The following SLC25A24 variants were observed in gnomAD, a reference collection of about 807,000 sequenced individuals.
SLC25A24 encodes the protein solute carrier family 25 member 24.
SLC25A24 carries 49 observed loss-of-function variants against 60.7 expected under a neutral mutation model. The observed-to-expected ratio is 0.81, with a 90% confidence interval of 0.64 to 1.02. The LOEUF is 1.02. Ranked by LOEUF, SLC25A24 falls within the 50% of genes least tolerant of loss-of-function variation. The pLI is 0.00. For missense variants in SLC25A24, 564 were observed against 586.3 expected, an observed-to-expected ratio of 0.96 and a Z score of 0.39; for synonymous variants, 202 against 200.6, an observed-to-expected ratio of 1.01 and a Z score of -0.06.
At chr1:108,160,133 G>T (rs547370057) in intron 4 of SLC25A24, among the ~76,000 whole-genome samples, 12 of 152,020 alleles carry the variant, frequency 7.9e-5, no homozygotes, top group African/African-American at 1.9e-4. Flanking sequence ...GGTGGCTGCC[G>T]GGCGGAGACG....
intron 2 of SLC25A24, among the ~76,000 whole-genome samples, chr1:108,184,192 A>G (rs1179185002): frequency 6.6e-6 from 1 of 152,226 alleles, no homozygotes; most frequent in Non-Finnish European, 1.5e-5. Flanking sequence ...TAAAATGAAC[A>G]ATTGATATGT....
At chr1:108,183,899 A>C (rs1648025729) in intron 2 of SLC25A24, among the ~76,000 whole-genome samples, 1 of 152,236 alleles carries the variant, frequency 6.6e-6, no homozygotes, top group Non-Finnish European at 1.5e-5. Context: ...GTGCATGTCC[A>C]TGAATGCCTG....
Position 108,134,365 on chromosome 1 carries a change from A to G in SLC25A24, c.*2288T>C, listed in dbSNP as rs1160607912. The G allele has an allele frequency of 1.3e-5, 2 of 152,228 alleles. No homozygotes were observed. Among genetic ancestry groups the G allele is most frequent in the South Asian group, 2.1e-4 (1 of 4,832 alleles). 9.4% of individuals were successfully genotyped at this position (152,228 alleles called of 1,614,324 possible). A position where few individuals can be genotyped will look rare whatever the true frequency, so the allele number is the denominator to read the frequency against. ...TGCAGTCTTATGTTTTAATTTTTAAATCAAATTTTGGATGTAATCTGCATT... is the reference window on the plus strand; with the variant it reads ...TGCAGTCTTATGTTTTAATTTTTAAGTCAAATTTTGGATGTAATCTGCATT... On this transcript the variant is annotated 3_prime_UTR_variant, in exon 10 of 10. Coordinates refer to ENST00000565488, the MANE Select transcript of SLC25A24 (RefSeq NM_013386.5).
At chr1:108,152,524 T>G (rs973950481) in intron 6 of SLC25A24, among the ~76,000 whole-genome samples, 1 of 152,114 alleles carries the variant, frequency 6.6e-6, no homozygotes, top group Admixed American at 6.6e-5. Context: ...GCCCAACTAA[T>G]TTTTATATTT....
chr1:108,176,498 A>G (rs1647678458), intron 3 of SLC25A24, among the ~76,000 whole-genome samples: 1 of 152,208 alleles, frequency 6.6e-6, no homozygotes, highest in Non-Finnish European at 1.5e-5. Flanking sequence ...CTGGAGAAAG[A>G]GGTAAATATC....
intron 3 of SLC25A24, among the ~76,000 whole-genome samples, chr1:108,167,863 C>T (rs1261759203): frequency 2.0e-5 from 3 of 152,190 alleles, no homozygotes; most frequent in Non-Finnish European, 2.9e-5. Flanking sequence ...AATTAACATA[C>T]TGTACTCAAA....
intron 5 of SLC25A24, among the ~76,000 whole-genome samples, chr1:108,156,187 C>T (rs1372045233): frequency 6.6e-6 from 1 of 152,306 alleles, no homozygotes; most frequent in Non-Finnish European, 1.5e-5. Context: ...GCCCTATGTG[C>T]TTCTTTACTT....
At chr1:108,195,071 T>C (rs1223168574) in intron 1 of SLC25A24, among the ~76,000 whole-genome samples, 1 of 152,248 alleles carries the variant, frequency 6.6e-6, no homozygotes, top group African/African-American at 2.4e-5. Context: ...CTGTCAAATA[T>C]AGATACCTTG....
intron 1 of SLC25A24, among the ~76,000 whole-genome samples, chr1:108,189,681 T>C (rs1318594512): frequency 6.6e-6 from 1 of 151,806 alleles, no homozygotes; most frequent in East Asian, 1.9e-4. Flanking sequence ...CCAGGAGTGG[T>C]GGCACACGCC....
intron 4 of SLC25A24, 45 bp downstream of exon 4, chr1:108,161,137 T>C (rs368032492): frequency 7.4e-6 from 8 of 1,076,380 alleles, no homozygotes; most frequent in East Asian, 2.4e-5. Context: ...ACTGTACCTA[T>C]GGTTTATAGC....
At chr1:108,158,193 G>A (rs1211611930) in intron 4 of SLC25A24, among the ~76,000 whole-genome samples, 1 of 152,016 alleles carries the variant, frequency 6.6e-6, no homozygotes, top group East Asian at 1.9e-4. Flanking sequence ...TTTAAAACAT[G>A]CAATAGATTC....
intron 3 of SLC25A24, among the ~76,000 whole-genome samples, chr1:108,177,823 G>A (rs1002304065): frequency 6.6e-6 from 1 of 152,052 alleles, no homozygotes; most frequent in African/African-American, 2.4e-5. Flanking sequence ...TGTAGCTATT[G>A]TTTTTTATAA....
intron 1 of SLC25A24, chr1:108,198,751 C>T (rs1258383287): frequency 6.6e-6 from 1 of 152,174 alleles, no homozygotes; most frequent in Non-Finnish European, 1.5e-5. Context: ...TTCAAAGGCA[C>T]CTACTGTGAG....
intron 3 of SLC25A24, among the ~76,000 whole-genome samples, chr1:108,166,699 AT>A (rs903465302): frequency 6.6e-6 from 1 of 151,342 alleles, no homozygotes; most frequent in African/African-American, 2.4e-5. Context: ...ATTCTTCTAC[AT>A]TTTTTTCAAA....
At position 108,136,176 on chromosome 1, in the gene SLC25A24, G is replaced by A. The variant is rs1679277104; in HGVS notation, c.*477C>T. Reference sequence around the variant, plus strand: ...CTATACTTATTTGGATGCTTTTGCTGTAAGGTATATTTTAAATGTAATGAT... The same window carrying A: ...CTATACTTATTTGGATGCTTTTGCTATAAGGTATATTTTAAATGTAATGAT... On this transcript the variant is annotated 3_prime_UTR_variant, in exon 10 of 10. Coordinates refer to ENST00000565488, the MANE Select transcript of SLC25A24 (RefSeq NM_013386.5). 2 of 152,558 alleles carry A rather than the reference G, an allele frequency of 1.3e-5. No individual in the cohort carries two copies. Among genetic ancestry groups the A allele is most frequent in the African/African-American group, 4.8e-5 (2 of 41,460 alleles). The allele number at this position is 152,558 out of a possible 1,614,324, so 9.5% of individuals were successfully genotyped here. A position where few individuals can be genotyped will look rare whatever the true frequency, so the allele number is the denominator to read the frequency against.
rs116386307 is a variant in SLC25A24 at position 108,176,541 on chromosome 1, G to T, written c.398+5400C>A. On this transcript the variant is annotated intron_variant, in intron 3 of 9. Coordinates refer to ENST00000565488, the MANE Select transcript of SLC25A24 (RefSeq NM_013386.5). ...AGGAAAAGTCCAAGGTCTCTAATCAGATTCAATCCAAACAAGACTACCCCA... is the reference window on the plus strand; with the variant it reads ...AGGAAAAGTCCAAGGTCTCTAATCATATTCAATCCAAACAAGACTACCCCA... Among the ~76,000 whole-genome samples the T allele has an allele frequency of 4.8e-3, 724 of 152,248 alleles. 4 individuals carry two copies. The highest frequency in any genetic ancestry group is 0.016 in the African/African-American group (662 of 41,544).
At chr1:108,188,207 C>A (rs1648215843) in intron 1 of SLC25A24, among the ~76,000 whole-genome samples, 1 of 151,774 alleles carries the variant, frequency 6.6e-6, no homozygotes, top group South Asian at 2.1e-4. Flanking sequence ...ATGGGAAAAG[C>A]AGAAACTGGG....
chr1:108,179,836 G>A (rs554629332), intron 3 of SLC25A24, among the ~76,000 whole-genome samples: 1 of 152,076 alleles, frequency 6.6e-6, no homozygotes, highest in African/African-American at 2.4e-5. Context: ...TTATATTCTT[G>A]AAAAATACTA....
intron 4 of SLC25A24, among the ~76,000 whole-genome samples, chr1:108,158,005 T>C (rs2101614469): frequency 6.6e-6 from 1 of 152,322 alleles, no homozygotes; most frequent in Admixed American, 6.5e-5. Flanking sequence ...ATGACATCTT[T>C]TAAGAAATTC....
Sources: allele counts gnomAD v4.1 joint callset (sites outside exome capture counted in the v4.1 genomes callset), GRCh38; gene constraint gnomAD v4.1.1; transcripts MANE v1.5; gene names NCBI Gene and HGNC (gene_info 2026-07-23, HGNC 2026-07-21).